GLIPR1L1: variants seen among roughly 807,000 people sequenced by gnomAD.
GLIPR1L1 encodes GLIPR1 like 1, also known as GLIPR1-like protein 1.
In GLIPR1L1, 26 loss-of-function variants were observed where a neutral mutation model predicts 29.9. That is an observed-to-expected ratio of 0.87 (90% CI 0.64 to 1.21). The LOEUF (loss-of-function observed/expected upper bound fraction) is 1.21. Ranked by LOEUF, GLIPR1L1 falls within the 50% of genes most tolerant of loss-of-function variation. GLIPR1L1 has a pLI of 0.00. For missense variants in GLIPR1L1, 305 were observed against 290.3 expected (o/e 1.05, Z -0.37); for synonymous variants, 77 against 97.5 (o/e 0.79, Z 1.24).
At chr12:75,344,436 A>G (rs577472816) in intron 2 of GLIPR1L1, among the ~76,000 whole-genome samples, 59 of 152,064 alleles carry the variant, frequency 3.9e-4, no homozygotes, top group African/African-American at 1.3e-3. Flanking sequence ...TTTGTTTTCA[A>G]TCTTGCACCT....
At chr12:75,367,731 T>G (rs2044078236) in intron 4 of GLIPR1L1, among the ~76,000 whole-genome samples, 1 of 152,178 alleles carries the variant, frequency 6.6e-6, no homozygotes, top group Admixed American at 6.5e-5. Flanking sequence ...TGATGACAAA[T>G]CATGTCTTCC....
chr12:75,343,593 AAAT>A lies in GLIPR1L1; in HGVS notation c.175-94_175-92del, dbSNP rs2042257767. 9 of 904,114 alleles carry A rather than the reference AAAT, an allele frequency of 1.0e-5. No individual in the cohort carries two copies. In the South Asian group the frequency reaches 1.8e-4, roughly 18 times the overall value. The allele number at this position is 904,114 out of a possible 1,614,324, so 56.0% of individuals were successfully genotyped here. On this transcript the variant is annotated intron_variant, in intron 1 of 5. Coordinates refer to ENST00000378695, the MANE Select transcript of GLIPR1L1 (RefSeq NM_001304964.2). ...ACCAAAGAAAAACTACATCTTATTAAAATAATAAATTTAAGCAAAACTTAGTTG... is the reference window on the plus strand; with the variant it reads ...ACCAAAGAAAAACTACATCTTATTAAAATAAATTTAAGCAAAACTTAGTTG...
intron 2 of GLIPR1L1, among the ~76,000 whole-genome samples, chr12:75,345,122 T>C (rs2042361462): frequency 6.6e-6 from 1 of 152,122 alleles, no homozygotes; most frequent in African/African-American, 2.4e-5. Flanking sequence ...TTCAGTACTA[T>C]GCCATCTAAA....
intron 1 of GLIPR1L1, among the ~76,000 whole-genome samples, chr12:75,339,195 G>A (rs1177734640): frequency 2.0e-5 from 3 of 151,514 alleles, no homozygotes; most frequent in African/African-American, 7.3e-5. Flanking sequence ...TCCACAATGG[G>A]TAAACTAATT....
chr12:75,338,371 T>A (rs955759648), intron 1 of GLIPR1L1, among the ~76,000 whole-genome samples: 6 of 152,030 alleles, frequency 3.9e-5, no homozygotes, highest in African/African-American at 1.4e-4. Flanking sequence ...CTGTGAGAAA[T>A]CTGACTTGGA....
intron 2 of GLIPR1L1, among the ~76,000 whole-genome samples, chr12:75,346,183 G>A (rs913921871): frequency 8.5e-5 from 13 of 152,156 alleles, no homozygotes; most frequent in African/African-American, 3.1e-4. Flanking sequence ...ATTTAATGAT[G>A]TAGTTAGTTA....
chr12:75,357,756 C>G (rs112452345), intron 3 of GLIPR1L1, among the ~76,000 whole-genome samples: 49 of 151,842 alleles, frequency 3.2e-4, no homozygotes, highest in African/African-American at 1.1e-3. Context: ...TTCTAAATAA[C>G]TCATGAATCA....
intron 1 of GLIPR1L1, among the ~76,000 whole-genome samples, chr12:75,336,426 A>G (rs1364374867): frequency 1.3e-5 from 2 of 151,838 alleles, no homozygotes; most frequent in Non-Finnish European, 3.0e-5. Context: ...ATGCTTTTGT[A>G]ACAGAAACAT....
chr12:75,364,200 G>A (rs141242927), intron 4 of GLIPR1L1, among the ~76,000 whole-genome samples: 221 of 152,284 alleles, frequency 1.5e-3, no homozygotes, highest in African/African-American at 5.0e-3. Context: ...ATTACAAAAG[G>A]GAGGAAGGTA....
intron 1 of GLIPR1L1, 24 bp from the exon 2 acceptor site, chr12:75,343,669 A>T (rs373446913): frequency 3.4e-4 from 532 of 1,551,116 alleles, no homozygotes; most frequent in Admixed American, 6.6e-4. Flanking sequence ...GCACAATTCA[A>T]TTTAAATTAT....
Position 75,370,127 on chromosome 12 carries a change from C to T in GLIPR1L1, c.680C>T (p.Thr227Ile). 6.2e-7 allele frequency: 1 copy of T among 1,607,554 alleles called. No homozygotes were observed. Among genetic ancestry groups the T allele is most frequent in the Non-Finnish European group, 8.5e-7 (1 of 1,175,784 alleles). Residue 227 changes from threonine to isoleucine, a missense_variant, in exon 6 of 6, where the codon ACA (threonine) becomes ATA (isoleucine). By Grantham distance (89) the Thr-to-Ile change is moderately conservative. Coordinates refer to ENST00000378695, the MANE Select transcript of GLIPR1L1 (RefSeq NM_001304964.2). ...LKPTGRAPQQTAFNPFSLGFL... is the reference protein window; with the variant it reads ...LKPTGRAPQQIAFNPFSLGFL... The stretch of plus-strand genomic sequence containing the variant: ...CCAACGGGGAGAGCACCTCAGCAGA[C>T]AGCCTTTAATCCATTCAGCTTAGGT...
intron 4 of GLIPR1L1, among the ~76,000 whole-genome samples, chr12:75,367,214 T>C (rs149990278): frequency 6.6e-6 from 1 of 150,778 alleles, no homozygotes; most frequent in Non-Finnish European, 1.5e-5. Flanking sequence ...AGAAGATCCT[T>C]TAGAATGTAC....
intron 3 of GLIPR1L1, among the ~76,000 whole-genome samples, chr12:75,355,081 A>C (rs1022248709): frequency 1.3e-5 from 2 of 152,222 alleles, no homozygotes; most frequent in Admixed American, 1.3e-4. Context: ...CAAACGTTTC[A>C]AGACAAAAAC....
intron 4 of GLIPR1L1, chr12:75,367,078 C>T: frequency 1.4e-6 from 1 of 696,844 alleles, no homozygotes. Context: ...ACAGACAAGC[C>T]AACTGAGATT....
At chr12:75,335,005 T>C (rs2041625860) in intron 1 of GLIPR1L1, 103 bp downstream of exon 1, 1 of 1,144,048 alleles carries the variant, frequency 8.7e-7, no homozygotes, top group Non-Finnish European at 1.2e-6. Flanking sequence ...ATCCGGACTT[T>C]ACATATATGC....
At chr12:75,362,857 G>A (rs2043698694) in intron 3 of GLIPR1L1, among the ~76,000 whole-genome samples, 1 of 151,984 alleles carries the variant, frequency 6.6e-6, no homozygotes, top group African/African-American at 2.4e-5. Context: ...TAATTACACT[G>A]GGTTCACATC....
At chr12:75,367,058 A>G (rs1431948024) in intron 4 of GLIPR1L1, 1 of 699,638 alleles carries the variant, frequency 1.4e-6, no homozygotes, top group Admixed American at 2.0e-5. Flanking sequence ...TAAGTTTCTC[A>G]CAAAAATGCA....
At chr12:75,355,946 C>A (rs1432024706) in intron 3 of GLIPR1L1, among the ~76,000 whole-genome samples, 1 of 152,000 alleles carries the variant, frequency 6.6e-6, no homozygotes, top group Non-Finnish European at 1.5e-5. Context: ...CTTGGCCACA[C>A]AAAGGGTAAC....
chr12:75,359,393 A>C (rs1165369572), intron 3 of GLIPR1L1, among the ~76,000 whole-genome samples: 1 of 68,134 alleles, frequency 1.5e-5, no homozygotes. Flanking sequence ...TTTTTGCTGA[A>C]TTGATCTATG....
Sources: allele counts gnomAD v4.1 joint callset (sites outside exome capture counted in the v4.1 genomes callset), GRCh38; gene constraint gnomAD v4.1.1; transcripts MANE v1.5; gene names NCBI Gene and HGNC (gene_info 2026-07-23, HGNC 2026-07-21).